Variants in MCTP2 observed in about 807,000 individuals in gnomAD.
The protein encoded by MCTP2 is multiple C2 and transmembrane domain-containing protein 2.
In MCTP2, 132 loss-of-function variants were observed where a neutral mutation model predicts 111.6. The ratio of observed to expected loss-of-function variants is 1.18; its 90% confidence interval spans 1.03 to 1.37. The LOEUF is 1.37. Among genes scored for constraint, MCTP2 ranks in the 40% most tolerant of loss-of-function variants. The pLI is 0.00. For missense variants in MCTP2, 1,183 were observed against 1,067.9 expected (o/e 1.11, Z -1.50); for synonymous variants, 395 against 387.7 (o/e 1.02, Z -0.22).
At chr15:94,438,589 A>G (rs977411944) in intron 17 of MCTP2, among the ~76,000 whole-genome samples, 1 of 152,188 alleles carries the variant, frequency 6.6e-6, no homozygotes, top group Non-Finnish European at 1.5e-5. Context: ...AATGAAAAGG[A>G]TAAAACCATC....
At chr15:94,295,807 T>A (rs988173931) in intron 1 of MCTP2, among the ~76,000 whole-genome samples, 4 of 151,896 alleles carry the variant, frequency 2.6e-5, no homozygotes, top group Non-Finnish European at 2.9e-5. Context: ...CCCAGCTATT[T>A]GGGAGGCTGA....
At position 94,435,285 on chromosome 15, in the gene MCTP2, G is replaced by A. The variant is rs142773471; in HGVS notation, c.2086-4891G>A. On this transcript the variant is annotated intron_variant, in intron 17 of 22. Coordinates refer to ENST00000357742, the MANE Select transcript of MCTP2 (RefSeq NM_001385001.1). ...AACAATACCAAATCTTCCACTCCAT[G>A]AACTAGGCATATTTATTTTCTTATT... Among the ~76,000 whole-genome samples the A allele has an allele frequency of 7.8e-4, 119 of 152,214 alleles. 1 individual carries two copies. Among genetic ancestry groups the A allele is most frequent in the African/African-American group, 2.7e-3 (112 of 41,530 alleles).
intron 2 of MCTP2, among the ~76,000 whole-genome samples, chr15:94,299,004 T>C (rs1211486515): frequency 4.0e-5 from 3 of 75,580 alleles, no homozygotes; most frequent in Non-Finnish European, 5.3e-5. Context: ...TCCCTCTCCC[T>C]CTCTCCCTCT....
At chr15:94,428,247 T>G (rs770267069) in intron 17 of MCTP2, among the ~76,000 whole-genome samples, 1 of 152,166 alleles carries the variant, frequency 6.6e-6, no homozygotes, top group Non-Finnish European at 1.5e-5. Context: ...TGCTTCACTC[T>G]CCTTTAAAGA....
chr15:94,265,951 C>T (rs1033711241), intron 1 of MCTP2, among the ~76,000 whole-genome samples: 5 of 152,170 alleles, frequency 3.3e-5, no homozygotes, highest in Admixed American at 1.3e-4. Context: ...TCAGTATTTT[C>T]GTCTGTGTTT....
chr15:94,314,597 A>T (rs1238662177), intron 3 of MCTP2: 2 of 556,496 alleles, frequency 3.6e-6, no homozygotes, highest in East Asian at 6.4e-5. Context: ...AGTAAGGCAG[A>T]TAAAGCCAGT....
chr15:94,268,492 ACTTTC>A (rs2073722036), intron 1 of MCTP2, among the ~76,000 whole-genome samples: 1 of 151,802 alleles, frequency 6.6e-6, no homozygotes, highest in Non-Finnish European at 1.5e-5. Context: ...GCGCCTGGCC[ACTTTC>A]CTTTTCTTCT....
At chr15:94,404,769 T>C (rs1431255106) in intron 17 of MCTP2, among the ~76,000 whole-genome samples, 18 of 152,170 alleles carry the variant, frequency 1.2e-4, no homozygotes, top group Non-Finnish European at 2.9e-5. Context: ...CTGCCCTGGC[T>C]GTAGTGCTGT....
At chr15:94,248,863 A>G (rs1030396153) in intron 1 of MCTP2, among the ~76,000 whole-genome samples, 1 of 152,214 alleles carries the variant, frequency 6.6e-6, no homozygotes, top group Non-Finnish European at 1.5e-5. Context: ...TGGCTTACAC[A>G]GGTTCTCTGT....
intron 1 of MCTP2, among the ~76,000 whole-genome samples, chr15:94,244,264 TTA>T (rs1235437722): frequency 7.2e-6 from 1 of 139,166 alleles, no homozygotes; most frequent in South Asian, 2.2e-4. Flanking sequence ...GTGTATATAT[TTA>T]TATACACACA....
chr15:94,254,860 A>G lies in MCTP2; in HGVS notation c.-66+23196A>G, dbSNP rs528301346. On this transcript the variant is annotated intron_variant, in intron 1 of 22. Coordinates refer to ENST00000357742, the MANE Select transcript of MCTP2 (RefSeq NM_001385001.1). ...GAAACTAATGACTTCGCAAAAGAGAATTTCCAAACTGTCAATTTGCTTAGA... is the reference window on the plus strand; with the variant it reads ...GAAACTAATGACTTCGCAAAAGAGAGTTTCCAAACTGTCAATTTGCTTAGA... Among the ~76,000 whole-genome samples, 12 of 152,316 alleles carry G rather than the reference A, an allele frequency of 7.9e-5. No homozygotes were observed. In the South Asian group the frequency reaches 1.7e-3, roughly 21 times the overall value.
intron 1 of MCTP2, among the ~76,000 whole-genome samples, chr15:94,245,484 A>G (rs9796567): frequency 1.4e-5 from 2 of 140,832 alleles, no homozygotes; most frequent in South Asian, 2.2e-4. Flanking sequence ...GTATATATAC[A>G]TACATGTATG....
chr15:94,233,474 A>C (rs990149703), intron 1 of MCTP2, among the ~76,000 whole-genome samples: 1 of 152,124 alleles, frequency 6.6e-6, no homozygotes, highest in African/African-American at 2.4e-5. Flanking sequence ...CCTCCTGCAG[A>C]GGTGAGTTTC....
At chr15:94,336,606 A>G (rs1264182448) in intron 4 of MCTP2, among the ~76,000 whole-genome samples, 3 of 151,882 alleles carry the variant, frequency 2.0e-5, no homozygotes, top group Non-Finnish European at 4.4e-5. Context: ...GGGCTGTCAC[A>G]TGGTCGTTAG....
intron 20 of MCTP2, among the ~76,000 whole-genome samples, chr15:94,460,593 C>T (rs541077847): frequency 6.6e-6 from 1 of 152,302 alleles, no homozygotes; most frequent in African/African-American, 2.4e-5. Context: ...TCTGGAACAT[C>T]TCTAAAAGAC....
chr15:94,425,514 A>T (rs375762254), intron 17 of MCTP2, among the ~76,000 whole-genome samples: 13 of 152,092 alleles, frequency 8.5e-5, no homozygotes, highest in South Asian at 2.1e-4. Context: ...AATACATTAT[A>T]AAAAAAACAG....
chr15:94,269,986 G>A (rs8042316), intron 1 of MCTP2, among the ~76,000 whole-genome samples: 60,571 of 151,942 alleles, frequency 0.4, 12,800 homozygotes, highest in Admixed American at 0.5. Context: ...TTTTCTCCAA[G>A]CAGAATAAAA....
upstream of MCTP2, among the ~76,000 whole-genome samples, chr15:94,231,366 A>G (rs1317799675): frequency 6.6e-6 from 1 of 152,254 alleles, no homozygotes; most frequent in African/African-American, 2.4e-5. Context: ...ACGCCCAGCC[A>G]GTGCCCAGCA....
intron 1 of MCTP2, among the ~76,000 whole-genome samples, chr15:94,232,823 T>A (rs1370403702): frequency 6.6e-6 from 1 of 152,228 alleles, no homozygotes; most frequent in Non-Finnish European, 1.5e-5. Flanking sequence ...TGATCAGTCA[T>A]TCCAAAGCAA....
Sources: allele counts gnomAD v4.1 joint callset (sites outside exome capture counted in the v4.1 genomes callset), GRCh38; gene constraint gnomAD v4.1.1; transcripts MANE v1.5; gene names NCBI Gene and HGNC (gene_info 2026-07-23, HGNC 2026-07-21).